SORCS1: variants seen among roughly 807,000 people sequenced by gnomAD.
SORCS1 encodes VPS10 domain-containing receptor SorCS1.
A neutral mutation model predicts 146.1 loss-of-function variants in SORCS1; 60 were observed. That is an observed-to-expected ratio of 0.41 (90% CI 0.33 to 0.51). The LOEUF is 0.51. SORCS1 is among the 20% of genes least tolerant of loss of function. SORCS1 has a pLI of 0.21. For synonymous variants in SORCS1, 637 were observed against 584.0 expected (o/e 1.09, Z -1.31); for missense variants, 1,352 against 1,487.6 (o/e 0.91, Z 1.50).
intron 2 of SORCS1, among the ~76,000 whole-genome samples, chr10:106,921,221 A>G (rs1446512492): frequency 1.3e-5 from 2 of 152,180 alleles, no homozygotes; most frequent in African/African-American, 4.8e-5. Context: ...ATGGGGCTCA[A>G]AGTGAGGGGA....
At chr10:106,880,326 A>G (rs1341064031) in intron 2 of SORCS1, among the ~76,000 whole-genome samples, 1 of 152,234 alleles carries the variant, frequency 6.6e-6, no homozygotes, top group Non-Finnish European at 1.5e-5. Context: ...TTTGGTGCTA[A>G]AAAACTATAA....
rs1349841966 is a variant in SORCS1 at position 106,801,533 on chromosome 10, T to TC, written c.727-24842_727-24841insG. ...AACTATTAGTATAGCCATTTTTTTT[T>TC]TTTTTTTTTTTTTGAGACGGAGTCT... is the stretch of plus-strand genomic sequence containing the variant. On this transcript the variant is annotated intron_variant, in intron 3 of 25. Coordinates refer to ENST00000263054, the MANE Select transcript of SORCS1 (RefSeq NM_052918.5). Among the ~76,000 whole-genome samples, 4 of 147,780 alleles carry TC rather than the reference T, an allele frequency of 2.7e-5. No homozygotes were observed. The East Asian group carries it at 7.9e-4, about 29-fold the overall frequency.
chr10:106,907,701 T>C (rs1589678916), intron 2 of SORCS1, among the ~76,000 whole-genome samples: 1 of 151,570 alleles, frequency 6.6e-6, no homozygotes, highest in African/African-American at 2.4e-5. Context: ...CCGAGGAGGG[T>C]GGATCACCTG....
At chr10:107,001,843 C>G (rs1024757852) in intron 1 of SORCS1, among the ~76,000 whole-genome samples, 2 of 152,184 alleles carry the variant, frequency 1.3e-5, no homozygotes, top group Non-Finnish European at 2.9e-5. Context: ...TGTTCTCCGG[C>G]AAAGGCAGTT....
chr10:106,600,522 T>G, intron 23 of SORCS1: 9 of 985,228 alleles, frequency 9.1e-6, no homozygotes, highest in Non-Finnish European at 1.1e-5. Context: ...TTTGACAATA[T>G]TTTAGATGTT....
chr10:106,599,383 A>G (rs1846098676), intron 23 of SORCS1, among the ~76,000 whole-genome samples: 2 of 149,810 alleles, frequency 1.3e-5, no homozygotes, highest in African/African-American at 4.9e-5. Flanking sequence ...AAAAAAGAGG[A>G]GGAGGAGGAG....
chr10:106,953,680 T>C (rs1201724413), intron 2 of SORCS1, among the ~76,000 whole-genome samples: 1 of 152,214 alleles, frequency 6.6e-6, no homozygotes, highest in Non-Finnish European at 1.5e-5. Context: ...GTACACCCTA[T>C]TGTTCCAAGA....
intron 1 of SORCS1, among the ~76,000 whole-genome samples, chr10:106,983,486 C>T (rs1447022455): frequency 1.3e-5 from 2 of 152,042 alleles, no homozygotes; most frequent in Admixed American, 1.3e-4. Flanking sequence ...TCTCTTTCCA[C>T]AGGACAATGA....
intron 1 of SORCS1, among the ~76,000 whole-genome samples, chr10:107,096,808 G>A (rs936633795): frequency 8.6e-5 from 13 of 152,040 alleles, no homozygotes; most frequent in African/African-American, 1.9e-4. Flanking sequence ...CACCGCACCC[G>A]GCCCTATCAA....
chr10:107,164,710 G>A (rs1969984111), upstream of SORCS1, among the ~76,000 whole-genome samples: 1 of 150,148 alleles, frequency 6.7e-6, no homozygotes. This position sits in a 1 kb window ranked among gnomAD's most constrained non-coding sequence, Gnocchi z 6.8. Context: ...GGCTTGTGCC[G>A]AGCGCGGGTC....
intron 18 of SORCS1, among the ~76,000 whole-genome samples, chr10:106,651,248 T>G (rs1849839811): frequency 6.6e-6 from 1 of 152,196 alleles, no homozygotes; most frequent in African/African-American, 2.4e-5. Context: ...ACTAAAAATT[T>G]TCATCAAACC....
intron 1 of SORCS1, among the ~76,000 whole-genome samples, chr10:107,048,819 A>G (rs1564971411): frequency 6.6e-6 from 1 of 152,196 alleles, no homozygotes; most frequent in East Asian, 1.9e-4. Context: ...GCTTTTATGA[A>G]GGAGCTATTT....
At chr10:106,666,522 G>A (rs552879109) in intron 17 of SORCS1, among the ~76,000 whole-genome samples, 12 of 150,786 alleles carry the variant, frequency 8.0e-5, no homozygotes, top group Middle Eastern at 3.5e-3. Flanking sequence ...CTCCATAATC[G>A]AATGAGCCAA....
intron 23 of SORCS1, among the ~76,000 whole-genome samples, chr10:106,604,689 A>G (rs1240900370): frequency 6.6e-6 from 1 of 152,120 alleles, no homozygotes; most frequent in Non-Finnish European, 1.5e-5. Context: ...ATTTTGAGTA[A>G]CTGCATTCAT....
At chr10:107,045,778 C>CCATG (rs1959330092) in intron 1 of SORCS1, among the ~76,000 whole-genome samples, 1 of 144,752 alleles carries the variant, frequency 6.9e-6, no homozygotes, top group Admixed American at 6.9e-5. Flanking sequence ...GAATATATAT[C>CCATG]TTCTTTTTTT....
intron 1 of SORCS1, among the ~76,000 whole-genome samples, chr10:106,974,599 T>C (rs1955918243): frequency 6.6e-6 from 1 of 152,102 alleles, no homozygotes; most frequent in Admixed American, 6.5e-5. Context: ...CCTGGATAAA[T>C]TGGCCCTAGA....
chr10:106,630,967 TTTG>T (rs1180943107), intron 18 of SORCS1, among the ~76,000 whole-genome samples: 2 of 152,150 alleles, frequency 1.3e-5, no homozygotes, highest in Non-Finnish European at 2.9e-5. Flanking sequence ...TTTAACAAAT[TTTG>T]TTGTTGTTGT....
chr10:107,008,894 T>A lies in SORCS1; in HGVS notation c.559-52314A>T, dbSNP rs1263807082. On this transcript the variant is annotated intron_variant, in intron 1 of 25. Transcript: ENST00000263054. ...TGCCTGTCGTCCCAGTTGCTCGGGC[T>A]GCTCAGGCAGGGGAATCACTTGAAT... Among the ~76,000 whole-genome samples the A allele has an allele frequency of 2.0e-5, 3 of 152,338 alleles. No homozygotes were observed. In the East Asian group the frequency reaches 5.8e-4, roughly 29 times the overall value.
At chr10:106,719,415 TTTC>T (rs200843854) in intron 6 of SORCS1, among the ~76,000 whole-genome samples, 2,999 of 78,520 alleles carry the variant, frequency 0.038, 81 homozygotes, top group African/African-American at 0.084. Flanking sequence ...AGTTTCTTTC[TTTC>T]TTTTTTTTTT....
Sources: allele counts gnomAD v4.1 joint callset (sites outside exome capture counted in the v4.1 genomes callset), GRCh38; gene constraint gnomAD v4.1.1; non-coding constraint Gnocchi (gnomAD v3.1); transcripts MANE v1.5; gene names NCBI Gene and HGNC (gene_info 2026-07-23, HGNC 2026-07-21).